Variants in SNX1 observed in about 807,000 individuals in gnomAD.
SNX1 encodes the protein sorting nexin 1.
Under a neutral mutation model 71.8 loss-of-function variants are expected in SNX1, and 36 were observed. The observed-to-expected ratio is 0.50, with a 90% CI of 0.38 to 0.66. The LOEUF (loss-of-function observed/expected upper bound fraction) is 0.66. Ranked by LOEUF, SNX1 falls within the 30% of genes least tolerant of loss-of-function variation. SNX1 has a pLI of 0.00. For missense variants in SNX1, 612 were observed against 646.7 expected, an observed-to-expected ratio of 0.95 and a Z score of 0.58; for synonymous variants, 254 against 240.7, an observed-to-expected ratio of 1.06 and a Z score of -0.51.
chr15:64,118,876 TTGTGATGTTAGGATGTGGC>T, intron 4 of SNX1, 22 bp downstream of exon 4: 1 of 1,590,286 alleles, frequency 6.3e-7, no homozygotes, highest in Non-Finnish European at 8.6e-7. Context: ...TTAGGACTCC[TTGTGATGTTAGGATGTGGC>T]TGTGGAAAGC....
Position 64,126,200 on chromosome 15 carries a change from C to G in SNX1, c.632C>G (p.Pro211Arg). The change falls in exon 6 of 15, where the codon CCC (proline) becomes CGC (arginine). Residue 211 changes from proline to arginine, a missense_variant. Pro to Arg is a moderately radical substitution (Grantham distance 103). Coordinates refer to ENST00000559844, the MANE Select transcript of SNX1 (RefSeq NM_003099.5). Reference sequence around the variant, plus strand: ...CAGAATGGCTTCATTGTCCCTCCGCCCCCGGAGAAGAGCCTCATAGGTAAG... The same window carrying G: ...CAGAATGGCTTCATTGTCCCTCCGCGCCCGGAGAAGAGCCTCATAGGTAAG... ...HSQNGFIVPPPPEKSLIGMTK... is the reference protein window; with the variant it reads ...HSQNGFIVPPRPEKSLIGMTK... 6.2e-7 allele frequency: 1 copy of G among 1,614,006 alleles called. No individual in the cohort carries two copies. The highest frequency in any genetic ancestry group is 8.5e-7 in the Non-Finnish European group (1 of 1,179,986).
chr15:64,100,311 G>T (rs571710851), intron 1 of SNX1, among the ~76,000 whole-genome samples: 1 of 152,106 alleles, frequency 6.6e-6, no homozygotes, highest in African/African-American at 2.4e-5. Flanking sequence ...ACTTAAATGG[G>T]AGAGAATTGG....
chr15:64,128,403 A>C (rs893464000), intron 8 of SNX1, among the ~76,000 whole-genome samples: 1 of 152,270 alleles, frequency 6.6e-6, no homozygotes, highest in African/African-American at 2.4e-5. Flanking sequence ...ATAGCATATA[A>C]ATACAGCTGT....
intron 1 of SNX1, among the ~76,000 whole-genome samples, chr15:64,097,038 G>T (rs2080909891): frequency 6.6e-6 from 1 of 152,228 alleles, no homozygotes; most frequent in Non-Finnish European, 1.5e-5. Flanking sequence ...CGGAGCAAGG[G>T]GCTCAAGAGC....
At chr15:64,100,372 C>T (rs1352736032) in intron 1 of SNX1, among the ~76,000 whole-genome samples, 3 of 152,012 alleles carry the variant, frequency 2.0e-5, no homozygotes, top group Non-Finnish European at 4.4e-5. Context: ...CAGGCCGAGG[C>T]GGGCGTATCA....
chr15:64,118,829 C>T lies in SNX1; in HGVS notation c.441C>T (p.Val147=), dbSNP rs760391203. The change falls in exon 4 of 15, where the codon GTC becomes GTT. Residue 147 remains valine, a synonymous_variant. Coordinates refer to ENST00000559844, the MANE Select transcript of SNX1 (RefSeq NM_003099.5). ...EEQEDQFDLT[V]GITDPEKIGD... ...AGGAGGATCAATTTGATTTGACAGT[C>T]GGTATAACTGATCCTGAGAAGATAG... 8.1e-6 allele frequency: 13 copies of T among 1,612,864 alleles called. No individual in the cohort carries two copies. Among genetic ancestry groups the T allele is most frequent in the Admixed American group, 3.3e-5 (2 of 59,954 alleles).
rs2081339380 is a variant in SNX1 at position 64,134,699 on chromosome 15, C to T, written c.1257C>T (p.Arg419=). Reference sequence around the variant, plus strand: ...ACCAGCGCATGAAGACATGGCAGCGCTGGCAGGATGCCCAAGCCACACTGC... The same window carrying T: ...ACCAGCGCATGAAGACATGGCAGCGTTGGCAGGATGCCCAAGCCACACTGC... ...AFDQRMKTWQ[R]WQDAQATLQK... is the part of the protein sequence containing the mutation. Residue 419 remains arginine (R), a synonymous_variant, in exon 12 of 15, where the codon CGC becomes CGT. Coordinates refer to ENST00000559844, the MANE Select transcript of SNX1 (RefSeq NM_003099.5). This position sits in a 1 kb window ranked among gnomAD's most constrained non-coding sequence, Gnocchi z 4.1. 2 of 1,613,202 alleles carry T rather than the reference C, an allele frequency of 1.2e-6. No individual in the cohort carries two copies. The highest frequency in any genetic ancestry group is 1.7e-6 in the Non-Finnish European group (2 of 1,180,002).
At chr15:64,121,923 G>T (rs2081200442) in intron 4 of SNX1, among the ~76,000 whole-genome samples, 1 of 152,092 alleles carries the variant, frequency 6.6e-6, no homozygotes, top group Non-Finnish European at 1.5e-5. Context: ...ACTTTTACCA[G>T]GATATGCTTT....
intron 1 of SNX1, among the ~76,000 whole-genome samples, chr15:64,098,431 C>T (rs943050009): frequency 1.3e-5 from 2 of 152,170 alleles, no homozygotes; most frequent in Non-Finnish European, 2.9e-5. Context: ...GTGCCATGCA[C>T]ACGTGTAATC....
chr15:64,112,768 A>C, intron 2 of SNX1, 84 bp downstream of exon 2: 1 of 786,610 alleles, frequency 1.3e-6, no homozygotes, highest in Admixed American at 2.8e-5. Context: ...CCAAAAAAAA[A>C]AAAAGTATTG....
intron 1 of SNX1, among the ~76,000 whole-genome samples, chr15:64,096,419 C>A (rs2080901830): frequency 6.6e-6 from 1 of 152,194 alleles, no homozygotes; most frequent in African/African-American, 2.4e-5. Context: ...AGCCGAGAAC[C>A]GCCGACGCCG....
intron 13 of SNX1, 129 bp downstream of exon 13, chr15:64,136,539 G>T: frequency 2.6e-6 from 2 of 777,536 alleles, no homozygotes; most frequent in Non-Finnish European, 4.5e-6. Flanking sequence ...AGCAGGCGTG[G>T]CCTTCTTTGG....
rs2081223750 is a variant in SNX1 at position 64,124,144 on chromosome 15, TTACATATATATATA to T, written c.510+601_510+614del. Among the ~76,000 whole-genome samples, 4 of 60,978 alleles carry T rather than the reference TTACATATATATATA, an allele frequency of 6.6e-5. No homozygotes were observed. In the South Asian group the frequency reaches 4.5e-3, roughly 68 times the overall value. 40.0% of individuals were successfully genotyped at this position (60,978 alleles called of 152,430 possible). A position where few individuals can be genotyped will look rare whatever the true frequency, so the allele number is the denominator to read the frequency against. On this transcript the variant is annotated intron_variant, in intron 5 of 14. Coordinates refer to ENST00000559844, the MANE Select transcript of SNX1 (RefSeq NM_003099.5). ...CTCTCATTTCCTTTATAAGAAATCT[TTACATATATATATA>T]TATATATATATATATATATATGACT...
intron 1 of SNX1, among the ~76,000 whole-genome samples, chr15:64,111,176 G>C (rs1225780818): frequency 2.0e-5 from 3 of 152,132 alleles, no homozygotes; most frequent in African/African-American, 7.2e-5. Context: ...AAGGTGGTTG[G>C]TTATTGGTGA....
chr15:64,117,782 A>G (rs2081145994), intron 2 of SNX1, among the ~76,000 whole-genome samples: 1 of 151,938 alleles, frequency 6.6e-6, no homozygotes, highest in Admixed American at 6.6e-5. Flanking sequence ...ACAGAGTGAC[A>G]CTCTGTCTAA....
intron 1 of SNX1, among the ~76,000 whole-genome samples, chr15:64,097,974 C>G (rs1354882882): frequency 6.6e-6 from 1 of 152,168 alleles, no homozygotes; most frequent in East Asian, 1.9e-4. Flanking sequence ...CTAAAACTGT[C>G]AAATGAAGTC....
intron 1 of SNX1, among the ~76,000 whole-genome samples, chr15:64,102,169 C>T (rs1308112487): frequency 6.6e-6 from 1 of 152,022 alleles, no homozygotes; most frequent in Non-Finnish European, 1.5e-5. Flanking sequence ...TTTTTGACAT[C>T]CCTTGGTCAT....
Position 64,141,169 on chromosome 15 carries a change from C to T in SNX1, c.*3551C>T, listed in dbSNP as rs920699284. 1 of 152,210 alleles carries T rather than the reference C, an allele frequency of 6.6e-6. No homozygotes were observed. The highest frequency in any genetic ancestry group is 1.5e-5 in the Non-Finnish European group (1 of 68,040). The allele number at this position is 152,210 out of a possible 1,614,324, so 9.4% of individuals were successfully genotyped here. A position where few individuals can be genotyped will look rare whatever the true frequency, so the allele number is the denominator to read the frequency against. ...CTGTAGGTTTATTCCAGTCTGCCCC[C>T]TTTTCCATGTTGTTAACTCTTTCCT... On this transcript the variant is annotated 3_prime_UTR_variant, in exon 15 of 15. Transcript: ENST00000559844. The surrounding 1 kb of genome is among the most constrained non-coding windows in gnomAD (Gnocchi z 5.1).
chr15:64,125,251 T>G (rs1276869165), intron 5 of SNX1, among the ~76,000 whole-genome samples: 1 of 151,844 alleles, frequency 6.6e-6, no homozygotes, highest in Non-Finnish European at 1.5e-5. Flanking sequence ...TCACCTGAGG[T>G]CAGGAGTTCG....
Sources: allele counts gnomAD v4.1 joint callset (sites outside exome capture counted in the v4.1 genomes callset), GRCh38; gene constraint gnomAD v4.1.1; non-coding constraint Gnocchi (gnomAD v3.1); transcripts MANE v1.5; gene names NCBI Gene and HGNC (gene_info 2026-07-23, HGNC 2026-07-21).